Variants in KIF21A observed in about 807,000 individuals in gnomAD.
KIF21A encodes kinesin-like protein KIF21A.
Under a neutral mutation model 202.9 loss-of-function variants are expected in KIF21A, and 114 were observed. The ratio of observed to expected loss-of-function variants is 0.56; its 90% CI spans 0.48 to 0.66. The LOEUF is 0.66. Ranked by LOEUF, KIF21A falls within the 30% of genes least tolerant of loss-of-function variation. The pLI is 0.00. For missense variants in KIF21A, 1,677 were observed against 1,994.9 expected, an observed-to-expected ratio of 0.84 and a Z score of 3.04; for synonymous variants, 667 against 670.8, an observed-to-expected ratio of 0.99 and a Z score of 0.09.
At chr12:39,412,751 TTA>T (rs1566239260) in intron 1 of KIF21A, among the ~76,000 whole-genome samples, 1 of 152,046 alleles carries the variant, frequency 6.6e-6, no homozygotes, top group Non-Finnish European at 1.5e-5. Flanking sequence ...TAGCAATATA[TTA>T]TAACTAATGC....
intron 1 of KIF21A, among the ~76,000 whole-genome samples, chr12:39,401,356 TA>T (rs1298031802): frequency 6.6e-6 from 1 of 152,028 alleles, no homozygotes; most frequent in Non-Finnish European, 1.5e-5. Flanking sequence ...GCAACAAAAA[TA>T]ATGACTGGGA....
chr12:39,294,290 A>C lies in KIF21A; in HGVS notation c.*134T>G, dbSNP rs1445273171. ...TTTTATTAGAATACCATTTATAGTC[A>C]GCAGTTGAATTCAGATATATTTTCC... On this transcript the variant is annotated 3_prime_UTR_variant, in exon 38 of 38. Coordinates refer to ENST00000361418, the MANE Select transcript of KIF21A (RefSeq NM_001173464.2). 3.3e-5 allele frequency: 23 copies of C among 693,430 alleles called. No homozygotes were observed. Among genetic ancestry groups the C allele is most frequent in the Non-Finnish European group, 5.8e-5 (22 of 379,128 alleles). 43.0% of individuals were successfully genotyped at this position (693,430 alleles called of 1,614,324 possible). A position where few individuals can be genotyped will look rare whatever the true frequency, so the allele number is the denominator to read the frequency against.
intron 1 of KIF21A, among the ~76,000 whole-genome samples, chr12:39,376,856 C>T (rs1394124372): frequency 6.6e-6 from 1 of 152,098 alleles, no homozygotes; most frequent in Non-Finnish European, 1.5e-5. Context: ...CTTTCTTTTG[C>T]TCATTTATTG....
intron 1 of KIF21A, among the ~76,000 whole-genome samples, chr12:39,392,873 T>C (rs1254907577): frequency 1.4e-5 from 2 of 140,816 alleles, no homozygotes; most frequent in Non-Finnish European, 1.5e-5. Flanking sequence ...TTAAAAGAAA[T>C]TTTAAAAGAA....
At chr12:39,352,302 T>C (rs781429643) in intron 10 of KIF21A, among the ~76,000 whole-genome samples, 1 of 152,120 alleles carries the variant, frequency 6.6e-6, no homozygotes, top group Non-Finnish European at 1.5e-5. Flanking sequence ...GTCTTCATGC[T>C]AAAAAGTTTT....
intron 22 of KIF21A, 33 bp from the exon 23 acceptor site, chr12:39,330,944 A>G: frequency 1.2e-6 from 2 of 1,606,420 alleles, no homozygotes; most frequent in East Asian, 4.5e-5. Flanking sequence ...CTTAGGTCAT[A>G]CGAAACAGGA....
chr12:39,316,395 C>G (rs1211156648), intron 29 of KIF21A, among the ~76,000 whole-genome samples: 2 of 152,134 alleles, frequency 1.3e-5, no homozygotes, highest in East Asian at 3.9e-4. Flanking sequence ...GATATAGACT[C>G]TAATGTTGAA....
Position 39,304,826 on chromosome 12 carries a change from T to C in KIF21A, c.4555A>G (p.Ile1519Val). 1 of 1,489,140 alleles carries C rather than the reference T, an allele frequency of 6.7e-7. No homozygotes were observed. The highest frequency in any genetic ancestry group is 9.4e-7 in the Non-Finnish European group (1 of 1,066,460). 92.2% of individuals were successfully genotyped at this position (1,489,140 alleles called of 1,614,324 possible). A position where few individuals can be genotyped will look rare whatever the true frequency, so the allele number is the denominator to read the frequency against. The change falls in exon 35 of 38, where the codon ATC (isoleucine) becomes GTC (valine). Residue 1519 changes from isoleucine (I) to valine (V), a missense_variant. By Grantham distance (29) the Ile-to-Val change is conservative. Around this residue, in one of 3 missense-constraint regions of KIF21A, gnomAD observed 705 missense variants for 791.9 expected, o/e 0.89. Transcript: ENST00000361418. ...LIITGSKDHYIKMFDVTEGAL... is the reference protein window; with the variant it reads ...LIITGSKDHYVKMFDVTEGAL... ...AGAAAGTCTCTTATACATACTTTGATGTAATGATCCTTGGAGCCAGTGATG... is the reference window on the plus strand; with the variant it reads ...AGAAAGTCTCTTATACATACTTTGACGTAATGATCCTTGGAGCCAGTGATG...
chr12:39,310,868 T>C (rs1280207941), intron 32 of KIF21A, among the ~76,000 whole-genome samples: 1 of 152,070 alleles, frequency 6.6e-6, no homozygotes, highest in Non-Finnish European at 1.5e-5. Flanking sequence ...AAGAAGGGTA[T>C]ACCTAGGTTT....
chr12:39,416,659 G>GTATA (rs756959146), intron 1 of KIF21A, among the ~76,000 whole-genome samples: 2 of 111,058 alleles, frequency 1.8e-5, no homozygotes, highest in African/African-American at 7.0e-5. Flanking sequence ...ATATATATGT[G>GTATA]TATATATATA....
At chr12:39,340,857 T>G (rs926898638) in intron 15 of KIF21A, 49 bp downstream of exon 15, 1 of 1,316,574 alleles carries the variant, frequency 7.6e-7, no homozygotes, top group African/African-American at 1.4e-5. Context: ...TAAAAACCCA[T>G]TTTGAAGATT....
chr12:39,318,142 G>C lies in KIF21A; in HGVS notation c.3839C>G (p.Pro1280Arg), dbSNP rs1384710859. The change falls in exon 29 of 38, where the codon CCC becomes CGC. Residue 1280 changes from proline (P) to arginine (R), a missense_variant. Pro to Arg is a moderately radical substitution (Grantham distance 103, BLOSUM62 -2). Coordinates refer to ENST00000361418, the MANE Select transcript of KIF21A (RefSeq NM_001173464.2). ...LSPPSSPPSRPRNELNVFNRL... is the reference protein window; with the variant it reads ...LSPPSSPPSRRRNELNVFNRL... ...ATTAAAAACATTCAGTTCATTACGGGGCCGGCTTGGTGGGGAAGAAGGAGG... is the reference window on the plus strand; with the variant it reads ...ATTAAAAACATTCAGTTCATTACGGCGCCGGCTTGGTGGGGAAGAAGGAGG... 1.2e-6 allele frequency: 2 copies of C among 1,613,500 alleles called. No individual in the cohort carries two copies. The highest frequency in any genetic ancestry group is 2.2e-5 in the East Asian group (1 of 44,852).
At chr12:39,336,399 C>A (rs1007600134) in intron 17 of KIF21A, among the ~76,000 whole-genome samples, 5 of 152,136 alleles carry the variant, frequency 3.3e-5, no homozygotes, top group African/African-American at 1.2e-4. Context: ...TGAAATCAAG[C>A]ATACATTTAT....
chr12:39,357,484 C>T, intron 8 of KIF21A, 47 bp from the exon 9 acceptor site: 1 of 1,511,900 alleles, frequency 6.6e-7, no homozygotes, highest in Non-Finnish European at 9.2e-7. Flanking sequence ...GCCTTAAAAA[C>T]ACAAGAGTTT....
chr12:39,413,910 T>C (rs779383537), intron 1 of KIF21A, among the ~76,000 whole-genome samples: 14 of 148,860 alleles, frequency 9.4e-5, no homozygotes, highest in Admixed American at 5.4e-4. Context: ...TGTTTTCCCA[T>C]AAAAAAAAAA....
intron 37 of KIF21A, among the ~76,000 whole-genome samples, chr12:39,299,524 C>A (rs1208916044): frequency 6.6e-6 from 1 of 152,118 alleles, no homozygotes; most frequent in East Asian, 1.9e-4. Context: ...TCAGTTCAAC[C>A]ATTGTGGAAA....
chr12:39,364,309 G>A (rs995735655), intron 6 of KIF21A, among the ~76,000 whole-genome samples: 1 of 152,122 alleles, frequency 6.6e-6, no homozygotes, highest in Admixed American at 6.6e-5. Context: ...ATAAGCAATG[G>A]TAATACTGAA....
At position 39,351,789 on chromosome 12, in the gene KIF21A, C is replaced by CTCTTT; in HGVS notation, c.1656_1660dup (p.Arg554LysfsTer48). On this transcript the variant is annotated frameshift_variant, in exon 11 of 38. Transcript: ENST00000361418. LOFTEE classifies it high-confidence loss of function. ...TTTATAATCCCACCTTTTTTTCTTC[C>CTCTTT]TCTTTTCTTTTCTTTTCAACTTCTC... 1.3e-6 allele frequency: 2 copies of CTCTTT among 1,555,328 alleles called. No individual in the cohort carries two copies. The highest frequency in any genetic ancestry group is 1.8e-6 in the Non-Finnish European group (2 of 1,129,890).
At chr12:39,320,354 T>C (rs1038886090) in intron 27 of KIF21A, among the ~76,000 whole-genome samples, 1 of 152,174 alleles carries the variant, frequency 6.6e-6, no homozygotes, top group Admixed American at 6.5e-5. Flanking sequence ...AGAAAAATTA[T>C]CTTTATAGTT....
Sources: gnomAD v4.1 joint callset for allele counts (sites outside exome capture counted in the v4.1 genomes callset) on GRCh38, gnomAD v4.1.1 for gene constraint, gnomAD v4.1.1 regional missense constraint, MANE v1.5 for transcripts, NCBI Gene and HGNC (gene_info 2026-07-23, HGNC 2026-07-21) for gene names.